Variants in ASIC2 observed in about 807,000 individuals in gnomAD.
ASIC2 encodes acid sensing ion channel subunit 2, also known as acid-sensing ion channel 2.
Under a neutral mutation model 57.3 loss-of-function variants are expected in ASIC2, and 25 were observed. That is an observed-to-expected ratio of 0.44 (90% CI 0.32 to 0.61). The LOEUF is 0.61. Ranked by LOEUF, ASIC2 falls within the 20% of genes least tolerant of loss-of-function variation. The pLI is 0.06. For missense variants in ASIC2, 641 were observed against 738.1 expected (o/e 0.87, Z 1.52); for synonymous variants, 319 against 307.5 (o/e 1.04, Z -0.39).
chr17:33,317,350 T>C (rs1857713903), intron 1 of ASIC2, among the ~76,000 whole-genome samples: 1 of 152,218 alleles, frequency 6.6e-6, no homozygotes, highest in Admixed American at 6.5e-5. Flanking sequence ...AATGCTCTCC[T>C]GCGAAACCTC....
At chr17:34,095,560 T>C (rs1295142769) in intron 1 of ASIC2, among the ~76,000 whole-genome samples, 1 of 147,808 alleles carries the variant, frequency 6.8e-6, no homozygotes, top group African/African-American at 2.5e-5. Context: ...AAAAATGAGA[T>C]TGGTAGGAAC....
intron 1 of ASIC2, among the ~76,000 whole-genome samples, chr17:33,357,952 A>G (rs1480396882): frequency 6.6e-6 from 1 of 152,142 alleles, no homozygotes; most frequent in African/African-American, 2.4e-5. Context: ...TCCCATCCCT[A>G]CTGAAATGGA....
chr17:34,136,899 C>T (rs1912141102), intron 1 of ASIC2, among the ~76,000 whole-genome samples: 2 of 152,192 alleles, frequency 1.3e-5, no homozygotes, highest in African/African-American at 4.8e-5. Context: ...CTCCCAAGCC[C>T]ACATTTTGCA....
intron 1 of ASIC2, chr17:33,834,319 T>G (rs898390325): frequency 2.0e-5 from 3 of 152,234 alleles, no homozygotes; most frequent in Admixed American, 2.0e-4. Flanking sequence ...ACTGTACCCA[T>G]GAGAGCACTG....
At position 33,848,814 on chromosome 17, in the gene ASIC2, T is replaced by C. The variant is rs377373807; in HGVS notation, c.555+307164A>G. On this transcript the variant is annotated intron_variant, in intron 1 of 9. Transcript: ENST00000359872. ...CACTCTGGGGTTCTGCCAGGCAAAA[T>C]AGGAAAATATGGGAAGGGGAGGCAG... 2.2e-3 allele frequency among the ~76,000 whole-genome samples: 338 copies of C among 152,128 alleles called. 1 individual carries two copies. The highest frequency in any genetic ancestry group is 8.0e-3 in the African/African-American group (332 of 41,518).
intron 1 of ASIC2, among the ~76,000 whole-genome samples, chr17:33,837,604 A>G (rs977875782): frequency 2.4e-4 from 37 of 152,272 alleles, no homozygotes; most frequent in African/African-American, 8.7e-4. Flanking sequence ...ATGCCTCTCT[A>G]CTTCAGGATC....
At chr17:33,506,087 G>A (rs2141945234) in intron 1 of ASIC2, among the ~76,000 whole-genome samples, 1 of 152,240 alleles carries the variant, frequency 6.6e-6, no homozygotes, top group East Asian at 1.9e-4. Flanking sequence ...GGATATAGGA[G>A]TAAAAGATAG....
At chr17:33,147,442 G>A (rs976746354) in intron 1 of ASIC2, among the ~76,000 whole-genome samples, 23 of 152,200 alleles carry the variant, frequency 1.5e-4, no homozygotes, top group Non-Finnish European at 2.6e-4. Context: ...GTGGGCTGAT[G>A]TTGTCTTACT....
intron 1 of ASIC2, among the ~76,000 whole-genome samples, chr17:33,311,502 A>G (rs1355804946): frequency 2.0e-5 from 3 of 151,890 alleles, no homozygotes; most frequent in African/African-American, 7.3e-5. Flanking sequence ...AGGGGAATGC[A>G]GGGCAGCCCA....
intron 1 of ASIC2, among the ~76,000 whole-genome samples, chr17:33,812,044 A>G (rs1457743088): frequency 6.6e-6 from 1 of 152,174 alleles, no homozygotes; most frequent in Non-Finnish European, 1.5e-5. Context: ...CCGTGGGCAC[A>G]CTTTCATTAT....
At position 33,083,337 on chromosome 17, in the gene ASIC2, A is replaced by T. The variant is rs575935231; in HGVS notation, c.987+5526T>A. On this transcript the variant is annotated intron_variant, in intron 3 of 9. Coordinates refer to ENST00000225823, the MANE Select transcript of ASIC2 (RefSeq NM_183377.2). ...GTGTCAGGAGCAGTGATCCACATGA[A>T]GTAAGCCTACATGGGACTGTTGTAC... Among the ~76,000 whole-genome samples, 6 of 152,318 alleles carry T rather than the reference A, an allele frequency of 3.9e-5. No homozygotes were observed. In the South Asian group the frequency reaches 1.0e-3, roughly 26 times the overall value.
At chr17:34,114,915 A>G (rs1367121849) in intron 1 of ASIC2, among the ~76,000 whole-genome samples, 2 of 152,128 alleles carry the variant, frequency 1.3e-5, no homozygotes, top group East Asian at 3.9e-4. Context: ...TCCAGCTCTG[A>G]CTGTATAGCC....
chr17:34,030,048 C>A (rs2142035942), intron 1 of ASIC2, among the ~76,000 whole-genome samples: 1 of 152,342 alleles, frequency 6.6e-6, no homozygotes, highest in Middle Eastern at 3.4e-3. Context: ...ACAATTGGCT[C>A]TTCCCTTCAC....
At chr17:33,324,784 GA>G (rs932389315) in intron 1 of ASIC2, among the ~76,000 whole-genome samples, 9 of 151,994 alleles carry the variant, frequency 5.9e-5, no homozygotes, top group Non-Finnish European at 1.2e-4. Context: ...GTCTCCCAAA[GA>G]AAAAAACCAT....
At chr17:33,616,622 C>G (rs1306594644) in intron 1 of ASIC2, among the ~76,000 whole-genome samples, 2 of 152,126 alleles carry the variant, frequency 1.3e-5, no homozygotes, top group African/African-American at 4.8e-5. Context: ...ACTGGACATG[C>G]TGGATATTGC....
At chr17:33,925,090 GCAGGGTTGATGCCT>G in intron 1 of ASIC2, among the ~76,000 whole-genome samples, 1 of 152,360 alleles carries the variant, frequency 6.6e-6, no homozygotes, top group African/African-American at 2.4e-5. Flanking sequence ...CCACCATGCT[GCAGGGTTGATGCCT>G]CAGGCCTTTC....
intron 1 of ASIC2, among the ~76,000 whole-genome samples, chr17:34,111,247 C>CAT (rs900422595): frequency 5.3e-4 from 79 of 148,002 alleles, no homozygotes; most frequent in African/African-American, 1.9e-3. Context: ...TATATACACA[C>CAT]ATATATATAA....
intron 1 of ASIC2, among the ~76,000 whole-genome samples, chr17:33,313,662 G>A (rs897425608): frequency 2.0e-5 from 3 of 152,154 alleles, no homozygotes; most frequent in Admixed American, 2.0e-4. Context: ...GGGCCCCTGT[G>A]TGACATTTGC....
chr17:33,032,418 G>C (rs774492252), intron 3 of ASIC2, among the ~76,000 whole-genome samples: 2 of 124,694 alleles, frequency 1.6e-5, no homozygotes, highest in Non-Finnish European at 3.3e-5. Flanking sequence ...TTCTACATCT[G>C]TTATAAGCAC....
Sources: gnomAD v4.1 joint callset for allele counts (sites outside exome capture counted in the v4.1 genomes callset) on GRCh38, gnomAD v4.1.1 for gene constraint, MANE v1.5 for transcripts, NCBI Gene and HGNC (gene_info 2026-07-23, HGNC 2026-07-21) for gene names.